GPR141: variants seen among roughly 807,000 people sequenced by gnomAD.
GPR141 encodes G protein-coupled receptor 141, also known as probable G protein-coupled receptor 141.
GPR141 carries 6 observed loss-of-function variants against 6.8 expected under a neutral mutation model. The observed-to-expected ratio is 0.88, with a 90% CI of 0.48 to 1.74. GPR141 has a LOEUF of 1.74. GPR141 is among the 40% of genes most tolerant of loss of function. The probability of loss-of-function intolerance (pLI) is 0.01; values close to 1 mark genes in which losing one functional copy is unlikely to be tolerated. For synonymous variants in GPR141, 140 were observed against 142.3 expected, an observed-to-expected ratio of 0.98 and a Z score of 0.11; for missense variants, 372 against 372.9, an observed-to-expected ratio of 1.00 and a Z score of 0.02.
chr7:37,700,579 T>C (rs550029749), intron 2 of GPR141, among the ~76,000 whole-genome samples: 40 of 152,206 alleles, frequency 2.6e-4, no homozygotes, highest in Non-Finnish European at 5.0e-4. Flanking sequence ...GAATCTCCTA[T>C]TCTGTAAATG....
intron 2 of GPR141, among the ~76,000 whole-genome samples, chr7:37,691,793 T>G (rs1228786273): frequency 6.6e-6 from 1 of 151,558 alleles, no homozygotes; most frequent in Non-Finnish European, 1.5e-5. Context: ...CTGGGTGTAG[T>G]CTTGAGTGGA....
At chr7:37,711,354 G>A (rs139992191) in intron 2 of GPR141, among the ~76,000 whole-genome samples, 2 of 152,254 alleles carry the variant, frequency 1.3e-5, no homozygotes, top group African/African-American at 2.4e-5. Context: ...AACAGCTAAC[G>A]GGAGCATCTT....
At chr7:37,703,102 G>T (rs1810365221) in intron 2 of GPR141, among the ~76,000 whole-genome samples, 1 of 151,968 alleles carries the variant, frequency 6.6e-6, no homozygotes, top group South Asian at 2.1e-4. Flanking sequence ...TTGTATAAAA[G>T]GTCTTTATTT....
At chr7:37,685,914 T>C (rs557865975) in intron 2 of GPR141, among the ~76,000 whole-genome samples, 1 of 152,152 alleles carries the variant, frequency 6.6e-6, no homozygotes, top group African/African-American at 2.4e-5. Flanking sequence ...TGGTGTCTAC[T>C]ATGGGTAAGC....
In GPR141 at chr7:37,716,917, C is replaced by T. The variant is rs73691170; in HGVS notation, c.-14-23463C>T. 6.4e-3 allele frequency among the ~76,000 whole-genome samples: 972 copies of T among 152,284 alleles called. 10 individuals carry two copies. Among genetic ancestry groups the T allele is most frequent in the African/African-American group, 0.022 (918 of 41,558 alleles). ...TCTAGGTATTAAGGGGAGGGTTTTC[C>T]TTTACAGATTGGAGATGGATAAAGT... On this transcript the variant is annotated intron_variant, in intron 2 of 2. Transcript: ENST00000334425.
chr7:37,718,277 T>C (rs1026352771), intron 2 of GPR141, among the ~76,000 whole-genome samples: 3 of 152,158 alleles, frequency 2.0e-5, no homozygotes, highest in Non-Finnish European at 4.4e-5. Context: ...GAGAGGCTGA[T>C]GTGAGAGGAT....
chr7:37,692,291 C>T (rs531920717), intron 2 of GPR141, among the ~76,000 whole-genome samples: 23 of 152,302 alleles, frequency 1.5e-4, no homozygotes, highest in Non-Finnish European at 4.4e-5. Context: ...ATGATGGTTT[C>T]AAGCTTCATC....
chr7:37,685,925 C>A (rs1809490612), intron 2 of GPR141, among the ~76,000 whole-genome samples: 1 of 151,986 alleles, frequency 6.6e-6, no homozygotes, highest in African/African-American at 2.4e-5. Context: ...ATGGGTAAGC[C>A]ATTGTGCTAG....
chr7:37,738,222 T>G lies in GPR141; in HGVS notation c.-14-2158T>G, dbSNP rs190842328. On this transcript the variant is annotated intron_variant, in intron 2 of 2. Coordinates refer to ENST00000334425, the MANE Select transcript of GPR141 (RefSeq NM_001381946.1). Reference sequence around the variant, plus strand: ...AAATAAGACAAAGTACAGGCAAGGATGTAGTGTAGTCCTGAAACATCGAAG... The same window carrying G: ...AAATAAGACAAAGTACAGGCAAGGAGGTAGTGTAGTCCTGAAACATCGAAG... Among the ~76,000 whole-genome samples, 891 of 152,294 alleles carry G rather than the reference T, an allele frequency of 5.9e-3. 1 individual carries two copies. Among genetic ancestry groups the G allele is most frequent in the Non-Finnish European group, 7.4e-3 (501 of 68,024 alleles).
At chr7:37,704,088 C>T (rs1810413983) in intron 2 of GPR141, among the ~76,000 whole-genome samples, 1 of 152,146 alleles carries the variant, frequency 6.6e-6, no homozygotes, top group African/African-American at 2.4e-5. Context: ...TTTTGAGACC[C>T]ACTGATAGTA....
chr7:37,728,573 C>G (rs576867615), intron 2 of GPR141, among the ~76,000 whole-genome samples: 1 of 152,136 alleles, frequency 6.6e-6, no homozygotes. Context: ...AAAACAGCCA[C>G]AGAAACCACT....
chr7:37,688,304 C>T (rs760538785), intron 2 of GPR141, among the ~76,000 whole-genome samples: 84 of 152,072 alleles, frequency 5.5e-4, no homozygotes, highest in South Asian at 3.9e-3. Flanking sequence ...TGGTGGTACA[C>T]GCCTGTAATC....
intron 2 of GPR141, among the ~76,000 whole-genome samples, chr7:37,697,667 G>T (rs370663553): frequency 2.6e-5 from 4 of 152,240 alleles, no homozygotes; most frequent in Admixed American, 2.6e-4. Flanking sequence ...ATGGCATTTG[G>T]ATAAACAACA....
chr7:37,723,669 G>A (rs1198695625), intron 2 of GPR141, among the ~76,000 whole-genome samples: 1 of 152,188 alleles, frequency 6.6e-6, no homozygotes, highest in East Asian at 1.9e-4. Context: ...CGTTTTGCCT[G>A]TCTGAAGGCC....
In GPR141 at chr7:37,686,123, C is replaced by T. The variant is rs1024087231; in HGVS notation, c.-15+540C>T. 8.0e-5 allele frequency among the ~76,000 whole-genome samples: 12 copies of T among 150,836 alleles called. No individual in the cohort carries two copies. In the South Asian group the frequency reaches 8.4e-4, roughly 11 times the overall value. On this transcript the variant is annotated intron_variant, in intron 2 of 2. Transcript: ENST00000334425. ...AAGTGGTCCTCTCACTTCAGCCTTCCGAATAGCTGGGAGTGCAGGTGTGAG... is the reference window on the plus strand; with the variant it reads ...AAGTGGTCCTCTCACTTCAGCCTTCTGAATAGCTGGGAGTGCAGGTGTGAG...
intron 2 of GPR141, among the ~76,000 whole-genome samples, chr7:37,729,040 G>A (rs188362877): frequency 1.6e-3 from 250 of 152,270 alleles, no homozygotes; most frequent in Non-Finnish European, 2.7e-3. Context: ...AGGTATGAAA[G>A]AGAACATTCC....
Position 37,707,999 on chromosome 7 carries a change from C to T in GPR141, c.-15+22416C>T, listed in dbSNP as rs1018605284. 7.9e-5 allele frequency among the ~76,000 whole-genome samples: 12 copies of T among 152,150 alleles called. No individual in the cohort carries two copies. The East Asian group carries it at 2.1e-3, about 27-fold the overall frequency. ...CAAAACAGAGTGTGAATATTTTGAC[C>T]TTGGAAATTTTCAGATGCTAAAGAA... On this transcript the variant is annotated intron_variant, in intron 2 of 2. Coordinates refer to ENST00000334425, the MANE Select transcript of GPR141 (RefSeq NM_001381946.1).
chr7:37,732,278 C>G (rs1811999516), intron 2 of GPR141, among the ~76,000 whole-genome samples: 1 of 139,018 alleles, frequency 7.2e-6, no homozygotes, highest in Non-Finnish European at 1.6e-5. Context: ...TTTGTCATTG[C>G]TTTGAATGGC....
chr7:37,740,554 C>T lies in GPR141; in HGVS notation c.161C>T (p.Ala54Val), dbSNP rs534808178. 7.9e-5 allele frequency: 128 copies of T among 1,614,002 alleles called. 1 individual carries two copies. The Admixed American group carries it at 1.4e-3, about 17-fold the overall frequency. ...AACACCCGGTCAGTGACCACCATGG[C>T]GGTCATTAACTTGGTGGTGGTCCAC... The part of the protein sequence containing the change: ...KMNTRSVTTM[A>V]VINLVVVHSV... The change falls in exon 3 of 3, where the codon GCG (alanine) becomes GTG (valine). Residue 54 changes from alanine (A) to valine (V), a missense_variant. By Grantham distance (64) the Ala-to-Val change is moderately conservative (BLOSUM62 0). Coordinates refer to ENST00000334425, the MANE Select transcript of GPR141 (RefSeq NM_001381946.1).
Sources: allele counts gnomAD v4.1 joint callset (sites outside exome capture counted in the v4.1 genomes callset), GRCh38; gene constraint gnomAD v4.1.1; transcripts MANE v1.5; gene names NCBI Gene and HGNC (gene_info 2026-07-23, HGNC 2026-07-21).